The following MUC20 variants were observed in gnomAD, a reference collection of about 807,000 sequenced individuals.
MUC20 encodes the protein mucin-20.
Under a neutral mutation model 23.8 loss-of-function variants are expected in MUC20, and 14 were observed. The observed-to-expected ratio is 0.59, with a 90% CI of 0.39 to 0.92. The LOEUF (loss-of-function observed/expected upper bound fraction) is 0.92, where lower values mean the gene tolerates loss of function less well. Ranked by LOEUF, MUC20 falls within the 40% of genes least tolerant of loss-of-function variation. The pLI, the probability that MUC20 is intolerant of heterozygous loss-of-function variation, is 0.00. For synonymous variants in MUC20, 166 were observed against 279.3 expected (o/e 0.59, Z 4.04); for missense variants, 375 against 668.8 (o/e 0.56, Z 4.85).
Position 195,726,159 on chromosome 3 carries a change from G to A in MUC20, c.1556G>A (p.Ser519Asn), listed in dbSNP as rs1305871825. The A allele has an allele frequency of 6.2e-7, 1 of 1,608,932 alleles. No individual in the cohort carries two copies. Among genetic ancestry groups the A allele is most frequent in the Non-Finnish European group, 8.5e-7 (1 of 1,176,174 alleles). The change falls in exon 2 of 4, where the codon AGT (serine) becomes AAT (asparagine). Residue 519 changes from serine (S) to asparagine (N), a missense_variant. By Grantham distance (46) the Ser-to-Asn change is conservative. Transcript: ENST00000447234. ...EVTAPGATTLSGALVTVSRNP... is the reference protein window; with the variant it reads ...EVTAPGATTLNGALVTVSRNP... ...ACAGCACCCGGGGCCACGACCCTCA[G>A]TGGAGCTCTGGTCACAGTTAGCAGG...
chr3:195,733,327 C>A lies in MUC20; in HGVS notation c.*109C>A. On this transcript the variant is annotated 3_prime_UTR_variant, in exon 4 of 4. Coordinates refer to ENST00000447234, the MANE Select transcript of MUC20 (RefSeq NM_001282506.2). The stretch of plus-strand genomic sequence containing the variant: ...CTGCGTTACTGTGCTGAGAGGTACC[C>A]AGAAGGTTCCCATGAAGGGCAGCAT... 6.6e-7 allele frequency: 1 copy of A among 1,522,752 alleles called. No individual in the cohort carries two copies. The allele number at this position is 1,522,752 out of a possible 1,614,324, so 94.3% of individuals were successfully genotyped here.
In MUC20 at chr3:195,729,759, G is replaced by T. The variant is rs1713170889; in HGVS notation, c.2061+20G>T. The T allele has an allele frequency of 1.3e-6, 2 of 1,577,992 alleles. No homozygotes were observed. Among genetic ancestry groups the T allele is most frequent in the Non-Finnish European group, 1.7e-6 (2 of 1,160,804 alleles). Reference sequence around the variant, plus strand: ...CAGCAGGTGAGTGGGCACTTTCCGGGCCAGGGGAGTAGAGGAAGGGGCGAG... The same window carrying T: ...CAGCAGGTGAGTGGGCACTTTCCGGTCCAGGGGAGTAGAGGAAGGGGCGAG... On this transcript the variant is annotated intron_variant, in intron 3 of 3. Transcript: ENST00000447234.
intron 3 of MUC20, among the ~76,000 whole-genome samples, chr3:195,732,530 T>G (rs1471860668): frequency 1.3e-5 from 2 of 152,196 alleles, no homozygotes; most frequent in African/African-American, 4.8e-5. Context: ...TGGCTAATTT[T>G]TGTATTTTTA....
At chr3:195,728,533 TC>T in intron 2 of MUC20, among the ~76,000 whole-genome samples, 1 of 152,262 alleles carries the variant, frequency 6.6e-6, no homozygotes, top group Non-Finnish European at 1.5e-5. Flanking sequence ...GTGGTTTTTC[TC>T]CTGTCTCAGA....
intron 1 of MUC20, 26 bp downstream of exon 1, chr3:195,721,109 G>T (rs1448226119): frequency 1.3e-6 from 2 of 1,557,022 alleles, no homozygotes; most frequent in East Asian, 2.3e-5. Flanking sequence ...AGGGCCTGGT[G>T]GGCCTCTCCC....
chr3:195,732,302 G>A lies in MUC20; in HGVS notation c.2062-848G>A, dbSNP rs754617317. Among the ~76,000 whole-genome samples, 12 of 152,198 alleles carry A rather than the reference G, an allele frequency of 7.9e-5. No homozygotes were observed. In the South Asian group the frequency reaches 1.7e-3, roughly 21 times the overall value. On this transcript the variant is annotated intron_variant, in intron 3 of 3. Coordinates refer to ENST00000447234, the MANE Select transcript of MUC20 (RefSeq NM_001282506.2). ...GGGATTACAGGCGTTGAGTCATTGC[G>A]TCCGGCTGGGAAGCCAGTTTTCTTT... is the stretch of plus-strand genomic sequence containing the variant.
Position 195,725,918 on chromosome 3 carries a change from G to C in MUC20, c.1315G>C (p.Ala439Pro). ...IETTTSSIPG[A>P]SDTDLIPTEG... ...AACAACGACTTCCAGCATCCCTGGGGCCTCAGACACAGATCTCATCCCCAC... is the reference window on the plus strand; with the variant it reads ...AACAACGACTTCCAGCATCCCTGGGCCCTCAGACACAGATCTCATCCCCAC... The change falls in exon 2 of 4, where the codon GCC becomes CCC. Residue 439 changes from alanine (A) to proline (P), a missense_variant. Ala to Pro is a conservative substitution (Grantham distance 27, BLOSUM62 -1). Transcript: ENST00000447234. The C allele has an allele frequency of 1.2e-6, 2 of 1,612,826 alleles. No individual in the cohort carries two copies. The highest frequency in any genetic ancestry group is 2.2e-5 in the South Asian group (2 of 90,918).
At chr3:195,726,975 C>T (rs1712757871) in intron 2 of MUC20, among the ~76,000 whole-genome samples, 1 of 152,288 alleles carries the variant, frequency 6.6e-6, no homozygotes, top group Non-Finnish European at 1.5e-5. Flanking sequence ...CTATTCCAGC[C>T]ATAGCCACAC....
At chr3:195,730,677 G>A (rs946548737) in intron 3 of MUC20, among the ~76,000 whole-genome samples, 1 of 152,202 alleles carries the variant, frequency 6.6e-6, no homozygotes. Context: ...CATGTCATCT[G>A]GGGAAGTGCA....
At chr3:195,730,040 G>C in intron 3 of MUC20, 1 of 365,350 alleles carries the variant, frequency 2.7e-6, no homozygotes, top group African/African-American at 2.1e-5. Flanking sequence ...GATACTGATG[G>C]GAGGGTAGGT....
intron 3 of MUC20, among the ~76,000 whole-genome samples, chr3:195,732,667 C>T (rs1299760931): frequency 6.6e-6 from 1 of 152,252 alleles, no homozygotes; most frequent in Non-Finnish European, 1.5e-5. Flanking sequence ...GCCGGGAAGC[C>T]AGTTTTGAAT....
rs915457938 is a variant in MUC20 at position 195,733,297 on chromosome 3, T to C, written c.*79T>C. ...CTAGCCTGGGCCCCCACCGACAGAC[T>C]GCAGCTGCGTTACTGTGCTGAGAGG... On this transcript the variant is annotated 3_prime_UTR_variant, in exon 4 of 4. Coordinates refer to ENST00000447234, the MANE Select transcript of MUC20 (RefSeq NM_001282506.2). The C allele has an allele frequency of 3.2e-5, 50 of 1,549,432 alleles. No individual in the cohort carries two copies. The Admixed American group carries it at 7.5e-4, about 23-fold the overall frequency.
chr3:195,722,886 A>C, intron 1 of MUC20: 2 of 956,612 alleles, frequency 2.1e-6, no homozygotes, highest in Non-Finnish European at 2.5e-6. Context: ...GGACTCGCCT[A>C]TACTGCCTGG....
chr3:195,725,659 C>T lies in MUC20; in HGVS notation c.1056C>T (p.Asp352=), dbSNP rs1418282579. The change falls in exon 2 of 4, where the codon GAC becomes GAT. Residue 352 remains aspartate, a synonymous_variant. Coordinates refer to ENST00000447234, the MANE Select transcript of MUC20 (RefSeq NM_001282506.2). ...CCTCAGAGAGCAGCGCCTCTTCCGA[C>T]GGCCTCCATCCAGTCATCACCCCGT... ...SRASESSASS[D]GLHPVITPSR... is the part of the protein sequence containing the mutation. 6 of 145,338 alleles carry T rather than the reference C, an allele frequency of 4.1e-5. 1 individual carries two copies. Among genetic ancestry groups the T allele is most frequent in the East Asian group, 2.1e-4 (2 of 9,492 alleles). The allele number at this position is 145,338 out of a possible 1,614,324, so 9.0% of individuals were successfully genotyped here.
At chr3:195,730,099 C>CAAAAAAAAAAA (rs4036961) in intron 3 of MUC20, 1 of 92,994 alleles carries the variant, frequency 1.1e-5, no homozygotes, top group East Asian at 2.3e-4. Flanking sequence ...GCAGTTTATG[C>CAAAAAAAAAAA]AAAAAAAAAA....
chr3:195,730,574 T>C (rs1402418868), intron 3 of MUC20, among the ~76,000 whole-genome samples: 3 of 152,064 alleles, frequency 2.0e-5, no homozygotes, highest in African/African-American at 7.2e-5. Context: ...ATAGTCTCAA[T>C]CTCCTGACCT....
chr3:195,726,211 C>T lies in MUC20; in HGVS notation c.1608C>T (p.Leu536=), dbSNP rs1488708634. 4.3e-6 allele frequency: 7 copies of T among 1,612,434 alleles called. No individual in the cohort carries two copies. The highest frequency in any genetic ancestry group is 2.7e-5 in the African/African-American group (2 of 74,936). Residue 536 remains leucine, a synonymous_variant, in exon 2 of 4, where the codon CTC becomes CTT. Transcript: ENST00000447234. ...SRNPLEETSA[L]SVETPSYVKV... Reference sequence around the variant, plus strand: ...ATCCCCTTGAAGAAACCTCAGCCCTCTCTGTTGAGACACCAAGTTACGTCA... The same window carrying T: ...ATCCCCTTGAAGAAACCTCAGCCCTTTCTGTTGAGACACCAAGTTACGTCA...
intron 2 of MUC20, among the ~76,000 whole-genome samples, chr3:195,728,293 C>G (rs189251262): frequency 6.2e-4 from 95 of 152,368 alleles, no homozygotes; most frequent in African/African-American, 2.2e-3. Flanking sequence ...TTATTATTTT[C>G]ATTATTTTAG....
intron 2 of MUC20, among the ~76,000 whole-genome samples, chr3:195,727,153 A>T (rs1294450486): frequency 6.6e-6 from 1 of 152,240 alleles, no homozygotes; most frequent in Admixed American, 6.5e-5. Flanking sequence ...TAATCCCAGC[A>T]CTTTGGGAGG....
Sources: gnomAD v4.1 joint callset for allele counts (sites outside exome capture counted in the v4.1 genomes callset) on GRCh38, gnomAD v4.1.1 for gene constraint, MANE v1.5 for transcripts, NCBI Gene and HGNC (gene_info 2026-07-23, HGNC 2026-07-21) for gene names.